The following STK39 variants were observed in gnomAD, a reference collection of about 807,000 sequenced individuals.
STK39 encodes the protein STE20/SPS1-related proline-alanine-rich protein kinase.
A neutral mutation model predicts 77.8 loss-of-function variants in STK39; 20 were observed. The ratio of observed to expected loss-of-function variants is 0.26; its 90% CI spans 0.18 to 0.37. The LOEUF is 0.37. Among genes scored for constraint, STK39 ranks in the 10% least tolerant of loss-of-function variants. The pLI, the probability that STK39 is intolerant of heterozygous loss-of-function variation, is 1.00. For synonymous variants in STK39, 246 were observed against 234.1 expected, an observed-to-expected ratio of 1.05 and a Z score of -0.47; for missense variants, 479 against 656.5, an observed-to-expected ratio of 0.73 and a Z score of 2.95.
At chr2:168,113,438 C>T (rs1173791494) in intron 10 of STK39, among the ~76,000 whole-genome samples, 1 of 152,144 alleles carries the variant, frequency 6.6e-6, no homozygotes, top group African/African-American at 2.4e-5. Context: ...AGATAAGATA[C>T]ATATTACATG....
chr2:168,050,914 A>G (rs1685379583), intron 14 of STK39, among the ~76,000 whole-genome samples: 1 of 152,224 alleles, frequency 6.6e-6, no homozygotes, highest in Non-Finnish European at 1.5e-5. Flanking sequence ...TACCAAGGAG[A>G]ATAAAGTTTT....
chr2:167,983,020 T>C (rs1387691728), intron 16 of STK39, among the ~76,000 whole-genome samples: 1 of 152,182 alleles, frequency 6.6e-6, no homozygotes, highest in Non-Finnish European at 1.5e-5. Flanking sequence ...GCGCAGTGTC[T>C]AGCTCTTAGG....
chr2:167,966,863 A>G (rs926836487), intron 16 of STK39, among the ~76,000 whole-genome samples: 12 of 152,188 alleles, frequency 7.9e-5, no homozygotes, highest in Non-Finnish European at 1.8e-4. Flanking sequence ...GTTGATTCTA[A>G]TTTGTTGTAA....
rs1683481239 is a variant in STK39 at position 167,983,477 on chromosome 2, A to AAGGAAGGAAGGAAGG, written c.1499-18752_1499-18751insCCTTCCTTCCTTCCT. Among the ~76,000 whole-genome samples the AAGGAAGGAAGGAAGG allele has an allele frequency of 3.0e-3, 390 of 130,800 alleles. 5 individuals are homozygous for AAGGAAGGAAGGAAGG. Among genetic ancestry groups the AAGGAAGGAAGGAAGG allele is most frequent in the African/African-American group, 0.01 (358 of 34,910 alleles). 85.8% of individuals were successfully genotyped at this position (130,800 alleles called of 152,430 possible). ...CCAAAAAAAAAAAAAAAAAGAAATGAAAGGAAGGAAGGAAGGAAGGAAGGA... is the reference window on the plus strand; with the variant it reads ...CCAAAAAAAAAAAAAAAAAGAAATGAAGGAAGGAAGGAAGGAAGGAAGGAAGGAAGGAAGGAAGGA... On this transcript the variant is annotated intron_variant, in intron 16 of 17. Coordinates refer to ENST00000355999, the MANE Select transcript of STK39 (RefSeq NM_013233.3).
intron 16 of STK39, among the ~76,000 whole-genome samples, chr2:168,004,546 C>T (rs978408193): frequency 7.2e-5 from 11 of 151,858 alleles, no homozygotes; most frequent in Admixed American, 3.9e-4. Flanking sequence ...TTCTGGGTAA[C>T]AGGGCGAAAC....
At chr2:168,045,804 G>A (rs1230878467) in intron 14 of STK39, among the ~76,000 whole-genome samples, 4 of 152,104 alleles carry the variant, frequency 2.6e-5, no homozygotes, top group Non-Finnish European at 4.4e-5. Flanking sequence ...CCCCAACCAC[G>A]ACATCTGACT....
At chr2:168,116,831 C>G (rs1323002050) in intron 10 of STK39, among the ~76,000 whole-genome samples, 1 of 152,186 alleles carries the variant, frequency 6.6e-6, no homozygotes, top group Non-Finnish European at 1.5e-5. Flanking sequence ...TAAAGACTTG[C>G]AGGATCATGA....
At chr2:168,027,755 A>G (rs980053907) in intron 14 of STK39, among the ~76,000 whole-genome samples, 1 of 152,014 alleles carries the variant, frequency 6.6e-6, no homozygotes, top group Non-Finnish European at 1.5e-5. Flanking sequence ...CAGGCTTGAG[A>G]CTCTTGACAG....
chr2:168,051,870 T>A (rs1685404632), intron 14 of STK39, among the ~76,000 whole-genome samples: 1 of 152,172 alleles, frequency 6.6e-6, no homozygotes, highest in Middle Eastern at 3.4e-3. Flanking sequence ...CCCCTGAAAA[T>A]GCCCTGCCTC....
At chr2:168,142,668 C>T (rs762925680) in intron 5 of STK39, among the ~76,000 whole-genome samples, 25 of 152,152 alleles carry the variant, frequency 1.6e-4, no homozygotes, top group Non-Finnish European at 3.5e-4. Context: ...AATACCCTTT[C>T]AATATATCTG....
intron 2 of STK39, among the ~76,000 whole-genome samples, chr2:168,177,923 A>G (rs926918009): frequency 2.6e-5 from 4 of 152,196 alleles, no homozygotes; most frequent in Non-Finnish European, 4.4e-5. Flanking sequence ...AATAAAGACA[A>G]AAGGTCCAGA....
At chr2:168,176,458 G>A (rs950412302) in intron 2 of STK39, among the ~76,000 whole-genome samples, 8 of 152,152 alleles carry the variant, frequency 5.3e-5, no homozygotes, top group Non-Finnish European at 8.8e-5. Flanking sequence ...ATCAAGCCAC[G>A]AAGATATCTA....
At chr2:168,210,175 T>A (rs1689855814) in intron 1 of STK39, among the ~76,000 whole-genome samples, 1 of 152,192 alleles carries the variant, frequency 6.6e-6, no homozygotes, top group African/African-American at 2.4e-5. Context: ...AAAATAGGCA[T>A]ATATGTGCTT....
intron 1 of STK39, among the ~76,000 whole-genome samples, 152 bp downstream of exon 1, chr2:168,247,061 TAAAAAAAAAAAAAAA>T (rs755613797): frequency 1.1e-5 from 1 of 89,294 alleles, no homozygotes; most frequent in Non-Finnish European, 2.2e-5. Context: ...CATTAAAAAT[TAAAAAAAAAAAAAAA>T]AAAAAAAAAA....
intron 14 of STK39, among the ~76,000 whole-genome samples, chr2:168,038,180 T>C (rs772695288): frequency 1.3e-5 from 2 of 151,992 alleles, no homozygotes; most frequent in Admixed American, 6.6e-5. Context: ...GAGAAAGTGC[T>C]TGGAAGAAAG....
intron 1 of STK39, among the ~76,000 whole-genome samples, chr2:168,201,492 G>A (rs1689610974): frequency 6.6e-6 from 1 of 152,190 alleles, no homozygotes; most frequent in African/African-American, 2.4e-5. Flanking sequence ...ATGGGTCAGT[G>A]AGCCGGCCTC....
chr2:168,236,262 A>C (rs1055151001), intron 1 of STK39, among the ~76,000 whole-genome samples: 15 of 152,150 alleles, frequency 9.9e-5, no homozygotes, highest in African/African-American at 3.6e-4. Flanking sequence ...TCTTTTGAGA[A>C]GTGTCTGTTC....
At chr2:168,005,982 T>C (rs1233582919) in intron 16 of STK39, among the ~76,000 whole-genome samples, 3 of 152,170 alleles carry the variant, frequency 2.0e-5, no homozygotes, top group Non-Finnish European at 4.4e-5. Flanking sequence ...TCAGTGAGGC[T>C]CAAAATCCGT....
At chr2:167,982,488 A>C (rs545116331) in intron 16 of STK39, among the ~76,000 whole-genome samples, 2 of 152,328 alleles carry the variant, frequency 1.3e-5, no homozygotes, top group African/African-American at 2.4e-5. Context: ...TAAGAAGGTG[A>C]TGTAACAGGC....
Sources: gnomAD v4.1 joint callset for allele counts (sites outside exome capture counted in the v4.1 genomes callset) on GRCh38, gnomAD v4.1.1 for gene constraint, MANE v1.5 for transcripts, NCBI Gene and HGNC (gene_info 2026-07-23, HGNC 2026-07-21) for gene names.